The following CACNG2 variants were observed in gnomAD, a reference collection of about 807,000 sequenced individuals.
CACNG2 encodes calcium voltage-gated channel auxiliary subunit gamma 2, also known as voltage-dependent calcium channel gamma-2 subunit.
A neutral mutation model predicts 25.9 loss-of-function variants in CACNG2; 3 were observed. The ratio of observed to expected loss-of-function variants is 0.12; its 90% CI spans 0.05 to 0.30. The LOEUF (loss-of-function observed/expected upper bound fraction) is 0.30, where lower values mean the gene tolerates loss of function less well. Ranked by LOEUF, CACNG2 falls within the 10% of genes least tolerant of loss-of-function variation. The probability of loss-of-function intolerance (pLI) is 1.00; values close to 1 mark genes in which losing one functional copy is unlikely to be tolerated. For synonymous variants in CACNG2, 167 were observed against 173.3 expected (o/e 0.96, Z 0.29); for missense variants, 341 against 432.5 (o/e 0.79, Z 1.88).
Position 36,563,693 on chromosome 22 carries a change from G to A in CACNG2, c.*658C>T, listed in dbSNP as rs1056637657. On this transcript the variant is annotated 3_prime_UTR_variant, in exon 4 of 4. Transcript: ENST00000300105. ...GGCTCGAGCTCTGAGCCTTCCTGGAGTTCCTGGGGCACCCACCCAGGGGCT... is the reference window on the plus strand; with the variant it reads ...GGCTCGAGCTCTGAGCCTTCCTGGAATTCCTGGGGCACCCACCCAGGGGCT... Among the ~76,000 whole-genome samples the A allele has an allele frequency of 5.3e-5, 8 of 151,884 alleles. No homozygotes were observed. The highest frequency in any genetic ancestry group is 1.7e-4 in the African/African-American group (7 of 41,372).
intron 1 of CACNG2, among the ~76,000 whole-genome samples, chr22:36,599,572 C>T (rs575304426): frequency 1.1e-3 from 162 of 152,174 alleles, no homozygotes; most frequent in Non-Finnish European, 1.7e-3. Flanking sequence ...TGGTGGTGCA[C>T]ACCTGTAGTC....
chr22:36,584,116 A>T (rs920965861), intron 2 of CACNG2, among the ~76,000 whole-genome samples: 20 of 151,834 alleles, frequency 1.3e-4, no homozygotes, highest in Admixed American at 8.5e-4. Context: ...CCCCTCCCCC[A>T]TCACTCTCCA....
rs1490561761 is a variant in CACNG2 at position 36,564,334 on chromosome 22, G to C, written c.*17C>G. The C allele has an allele frequency of 6.2e-7, 1 of 1,605,274 alleles. No homozygotes were observed. The highest frequency in any genetic ancestry group is 8.5e-7 in the Non-Finnish European group (1 of 1,176,084). On this transcript the variant is annotated 3_prime_UTR_variant, in exon 4 of 4. Coordinates refer to ENST00000300105, the MANE Select transcript of CACNG2 (RefSeq NM_006078.5). The surrounding 1 kb of genome is among the most constrained non-coding windows in gnomAD (Gnocchi z 6.7). ...CCGCGCCCTCCTCCCGCGGTCTTCT[G>C]GCGAGGCCCGCGGTCTTTATACGGG...
intron 2 of CACNG2, among the ~76,000 whole-genome samples, chr22:36,576,459 CTCACAAATCA>C (rs1321199816): frequency 6.6e-6 from 1 of 151,858 alleles, no homozygotes; most frequent in Non-Finnish European, 1.5e-5. Flanking sequence ...GCACCACAAT[CTCACAAATCA>C]CCACTGAAGA....
intron 2 of CACNG2, among the ~76,000 whole-genome samples, chr22:36,582,077 C>T (rs2145918303): frequency 6.6e-6 from 1 of 152,338 alleles, no homozygotes. Flanking sequence ...TTCACTGCTA[C>T]CACTCTGGTT....
intron 1 of CACNG2, among the ~76,000 whole-genome samples, chr22:36,688,218 C>G (rs1937225428): frequency 6.6e-6 from 1 of 152,144 alleles, no homozygotes; most frequent in South Asian, 2.1e-4. Flanking sequence ...TCTTATATCT[C>G]TGGTCACCTC....
At chr22:36,591,884 T>C (rs886842219) in intron 1 of CACNG2, among the ~76,000 whole-genome samples, 1 of 151,732 alleles carries the variant, frequency 6.6e-6, no homozygotes, top group Non-Finnish European at 1.5e-5. Context: ...TTCTCTTCTG[T>C]TGCTTCTATT....
intron 1 of CACNG2, among the ~76,000 whole-genome samples, chr22:36,599,692 C>A (rs1935725923): frequency 6.6e-6 from 1 of 151,908 alleles, no homozygotes; most frequent in South Asian, 2.1e-4. Flanking sequence ...AGAGGAAGAC[C>A]CTGTCTCAAA....
intron 1 of CACNG2, among the ~76,000 whole-genome samples, chr22:36,610,359 T>TGTGATTGGGAGGAATCAGCTCCCC (rs1935921359): frequency 7.2e-6 from 1 of 139,854 alleles, no homozygotes; most frequent in Non-Finnish European, 1.5e-5. Context: ...GTCAGCCCCG[T>TGTGATTGGGAGGAATCAGCTCCCC]AGAGCGTGAT....
chr22:36,595,392 C>G (rs758626941), intron 1 of CACNG2, among the ~76,000 whole-genome samples: 1 of 152,164 alleles, frequency 6.6e-6, no homozygotes, highest in Non-Finnish European at 1.5e-5. Flanking sequence ...TGAAATCAGC[C>G]GTGGTAGGTG....
intron 1 of CACNG2, among the ~76,000 whole-genome samples, chr22:36,642,135 G>A (rs1936450267): frequency 6.6e-6 from 1 of 152,202 alleles, no homozygotes; most frequent in Non-Finnish European, 1.5e-5. Context: ...AGATCTCAAG[G>A]CCAAGGCTGT....
intron 2 of CACNG2, among the ~76,000 whole-genome samples, chr22:36,581,759 T>A (rs1451060009): frequency 1.3e-5 from 2 of 152,220 alleles, no homozygotes; most frequent in Non-Finnish European, 2.9e-5. Context: ...TTGAGTTTCA[T>A]GGCTTTAAAT....
Position 36,668,747 on chromosome 22 carries a change from T to C in CACNG2, c.211+33619A>G, listed in dbSNP as rs539384225. Among the ~76,000 whole-genome samples, 135 of 152,246 alleles carry C rather than the reference T, an allele frequency of 8.9e-4. 1 individual carries two copies. The highest frequency in any genetic ancestry group is 2.9e-3 in the South Asian group (14 of 4,822). On this transcript the variant is annotated intron_variant, in intron 1 of 3. Transcript: ENST00000300105. ...CTGAGCTCAAGCGATCCACCTGCCT[T>C]GGCCTCCCAAAGTGCTGGGATTACG...
intron 1 of CACNG2, among the ~76,000 whole-genome samples, chr22:36,654,902 T>G (rs1309691554): frequency 1.3e-5 from 2 of 152,246 alleles, no homozygotes; most frequent in East Asian, 3.9e-4. Flanking sequence ...CAAACTGGTG[T>G]CCGAATCTTT....
intron 1 of CACNG2, among the ~76,000 whole-genome samples, chr22:36,589,298 T>C (rs1882939248): frequency 6.6e-6 from 1 of 152,080 alleles, no homozygotes; most frequent in Admixed American, 6.5e-5. Context: ...CCTAGACATA[T>C]ATATATATAT....
At chr22:36,667,357 T>G (rs1160650437) in intron 1 of CACNG2, among the ~76,000 whole-genome samples, 1 of 152,188 alleles carries the variant, frequency 6.6e-6, no homozygotes, top group East Asian at 1.9e-4. Flanking sequence ...TGAGCCCCTC[T>G]CTGGGTTTTG....
chr22:36,619,384 C>G (rs1936072646), intron 1 of CACNG2, among the ~76,000 whole-genome samples: 1 of 152,150 alleles, frequency 6.6e-6, no homozygotes, highest in Non-Finnish European at 1.5e-5. Context: ...ATACAATTGT[C>G]AAAATTACCA....
intron 1 of CACNG2, among the ~76,000 whole-genome samples, chr22:36,670,801 T>A (rs1253095508): frequency 6.6e-6 from 1 of 152,058 alleles, no homozygotes; most frequent in East Asian, 1.9e-4. Flanking sequence ...TCTGCTAATT[T>A]TTTAAATTAG....
intron 1 of CACNG2, among the ~76,000 whole-genome samples, chr22:36,675,888 C>T (rs1937013012): frequency 6.6e-6 from 1 of 152,144 alleles, no homozygotes; most frequent in South Asian, 2.1e-4. Flanking sequence ...ATTATAGCAC[C>T]CACTGTTTGA....
Sources: allele counts gnomAD v4.1 joint callset (sites outside exome capture counted in the v4.1 genomes callset), GRCh38; gene constraint gnomAD v4.1.1; non-coding constraint Gnocchi (gnomAD v3.1); transcripts MANE v1.5; gene names NCBI Gene and HGNC (gene_info 2026-07-23, HGNC 2026-07-21).